MAP4K5: variants seen among roughly 807,000 people sequenced by gnomAD.
MAP4K5 encodes the protein MAPK/ERK kinase kinase kinase 5.
A neutral mutation model predicts 135.6 loss-of-function variants in MAP4K5; 82 were observed. That is an observed-to-expected ratio of 0.60 (90% CI 0.51 to 0.73). The LOEUF is 0.73. MAP4K5 is among the 30% of genes least tolerant of loss of function. MAP4K5 has a pLI of 0.00. For missense variants in MAP4K5, 907 were observed against 1,010.9 expected, an observed-to-expected ratio of 0.90 and a Z score of 1.39; for synonymous variants, 347 against 335.0, an observed-to-expected ratio of 1.04 and a Z score of -0.39.
chr14:50,464,271 C>A, intron 11 of MAP4K5, 138 bp from the exon 12 acceptor site: 1 of 573,296 alleles, frequency 1.7e-6, no homozygotes, highest in Non-Finnish European at 3.1e-6. Flanking sequence ...ACAATATATT[C>A]CGTGGAAACA....
Position 50,552,603 on chromosome 14 carries a change from A to G in MAP4K5, c.-180+8437T>C, listed in dbSNP as rs1391101502. On this transcript the variant is annotated intron_variant, in intron 1 of 8. Transcript: ENST00000555216. ...AAATCTGGAGGCATCACATTACCTG[A>G]CTTCAAATTTTGCTGTGAGGCTATA... is the stretch of plus-strand genomic sequence containing the variant. Among the ~76,000 whole-genome samples the G allele has an allele frequency of 6.6e-5, 10 of 152,352 alleles. No individual in the cohort carries two copies. In the East Asian group the frequency reaches 1.9e-3, roughly 29 times the overall value.
chr14:50,434,492 C>G lies in MAP4K5; in HGVS notation c.2066G>C (p.Cys689Ser), dbSNP rs1452695163. The part of the protein sequence containing the change: ...VIPEQEYPMV[C>S]VAISKGTESN... ...TTCAGTGCCTTTGCTAATAGCTACA[C>G]AGACCATAGGGTATTCCTGTTCAGG... Residue 689 changes from cysteine to serine, a missense_variant, in exon 28 of 33, where the codon TGT (cysteine) becomes TCT (serine). By Grantham distance (112) the Cys-to-Ser change is moderately radical. Around this residue, in one of 3 missense-constraint regions of MAP4K5, gnomAD observed 690 missense variants for 777.4 expected, o/e 0.89. Transcript: ENST00000682126. 1 of 1,607,754 alleles carries G rather than the reference C, an allele frequency of 6.2e-7. No individual in the cohort carries two copies. The highest frequency in any genetic ancestry group is 2.2e-5 in the East Asian group (1 of 44,736).
Position 50,462,699 on chromosome 14 carries a change from G to A in MAP4K5, c.902C>T (p.Ala301Val). The part of the protein sequence containing the change: ...LDKVNNPDNH[A>V]HYTEADDDDF... The stretch of plus-strand genomic sequence containing the variant: ...ATCGTCATCTGCTTCAGTGTAATGT[G>A]CGTGGTTATCTGGATTGTTCACTTT... The change falls in exon 13 of 33, where the codon GCA becomes GTA. Residue 301 changes from alanine (A) to valine (V), a missense_variant. Physicochemically the swap from Ala to Val is moderately conservative, Grantham distance 64. This residue lies in a region of MAP4K5 where 690 missense variants were observed against 777.4 expected (regional missense o/e 0.89). Coordinates refer to ENST00000682126, the MANE Select transcript of MAP4K5 (RefSeq NM_006575.6). 2.5e-6 allele frequency: 4 copies of A among 1,605,924 alleles called. No individual in the cohort carries two copies. Among genetic ancestry groups the A allele is most frequent in the Non-Finnish European group, 3.4e-6 (4 of 1,177,396 alleles).
intron 9 of MAP4K5, chr14:50,472,375 T>C (rs2036985462): frequency 6.6e-6 from 1 of 152,152 alleles, no homozygotes; most frequent in Non-Finnish European, 1.5e-5. Flanking sequence ...TGAGTTATCT[T>C]TGAAAACATG....
intron 12 of MAP4K5, among the ~76,000 whole-genome samples, chr14:50,463,474 C>T (rs896389865): frequency 5.9e-5 from 9 of 152,108 alleles, no homozygotes; most frequent in Non-Finnish European, 1.0e-4. Context: ...TAAAACTATA[C>T]CCACATATAT....
At chr14:50,476,019 A>G in intron 8 of MAP4K5, 109 bp downstream of exon 8, 1 of 576,822 alleles carries the variant, frequency 1.7e-6, no homozygotes, top group Non-Finnish European at 2.9e-6. Context: ...GACTCTTGAT[A>G]TGAAAATGAA....
chr14:50,510,520 T>C (rs1040624509), intron 2 of MAP4K5, among the ~76,000 whole-genome samples: 1 of 152,214 alleles, frequency 6.6e-6, no homozygotes, highest in Non-Finnish European at 1.5e-5. Context: ...ATTTGTTGAA[T>C]AGACAATCAT....
At chr14:50,521,603 T>C (rs760636331) in intron 2 of MAP4K5, among the ~76,000 whole-genome samples, 1 of 152,206 alleles carries the variant, frequency 6.6e-6, no homozygotes, top group Non-Finnish European at 1.5e-5. Flanking sequence ...GAGAGTGTTA[T>C]ACAAACATTA....
At chr14:50,467,400 T>G (rs2036856486) in intron 10 of MAP4K5, among the ~76,000 whole-genome samples, 1 of 152,054 alleles carries the variant, frequency 6.6e-6, no homozygotes, top group Non-Finnish European at 1.5e-5. Flanking sequence ...TATTTAAAAT[T>G]TTCTAATCTC....
chr14:50,549,432 C>T (rs1356122872), intron 1 of MAP4K5, among the ~76,000 whole-genome samples: 1 of 152,168 alleles, frequency 6.6e-6, no homozygotes, highest in Non-Finnish European at 1.5e-5. Context: ...AAGTCACATA[C>T]ATAAACCCAT....
intron 2 of MAP4K5, among the ~76,000 whole-genome samples, chr14:50,531,043 G>A (rs927214320): frequency 4.6e-4 from 70 of 152,148 alleles, no homozygotes; most frequent in Admixed American, 4.6e-3. Flanking sequence ...AAACAACGCC[G>A]TTGCAAAAAG....
At chr14:50,506,867 C>T (rs1372871096) in intron 2 of MAP4K5, among the ~76,000 whole-genome samples, 2 of 152,196 alleles carry the variant, frequency 1.3e-5, no homozygotes, top group African/African-American at 4.8e-5. Context: ...CACACCATTC[C>T]TACCCTCTCC....
intron 12 of MAP4K5, among the ~76,000 whole-genome samples, chr14:50,463,644 G>A (rs1025312028): frequency 6.6e-6 from 1 of 152,084 alleles, no homozygotes; most frequent in African/African-American, 2.4e-5. Flanking sequence ...AGCACTTTGG[G>A]AGGCTGAGGC....
At chr14:50,451,162 C>T (rs964404270) in intron 14 of MAP4K5, among the ~76,000 whole-genome samples, 5 of 151,876 alleles carry the variant, frequency 3.3e-5, no homozygotes, top group African/African-American at 1.2e-4. Context: ...AAATGCTTGC[C>T]TGAAATGAAA....
At chr14:50,487,683 A>G (rs2037395330) in intron 3 of MAP4K5, among the ~76,000 whole-genome samples, 1 of 152,292 alleles carries the variant, frequency 6.6e-6, no homozygotes, top group South Asian at 2.1e-4. Flanking sequence ...ATAATCCAAA[A>G]TAGAAGATGA....
chr14:50,464,073 T>C lies in MAP4K5; in HGVS notation c.798A>G (p.Pro266=). ...IALTKNPKKR[P]TAERLLTHTF... is the part of the protein sequence containing the mutation. ...TTACAGTCAGAAGTCTTTCAGCAGTTGGTCTTTTTTTTGGGTTTTTGGTTA... is the reference window on the plus strand; with the variant it reads ...TTACAGTCAGAAGTCTTTCAGCAGTCGGTCTTTTTTTTGGGTTTTTGGTTA... Residue 266 remains proline (P), a synonymous_variant, in exon 12 of 33, where the codon CCA becomes CCG. Transcript: ENST00000682126. 6.5e-7 allele frequency: 1 copy of C among 1,546,906 alleles called. No individual in the cohort carries two copies. The highest frequency in any genetic ancestry group is 8.8e-7 in the Non-Finnish European group (1 of 1,141,924).
chr14:50,445,938 C>G, intron 17 of MAP4K5, 141 bp downstream of exon 17: 1 of 495,694 alleles, frequency 2.0e-6, no homozygotes, highest in Non-Finnish European at 3.5e-6. Context: ...ATATTTTACA[C>G]CATCATACAC....
intron 1 of MAP4K5, among the ~76,000 whole-genome samples, chr14:50,558,289 G>C (rs535870119): frequency 2.8e-4 from 42 of 152,202 alleles, no homozygotes; most frequent in Non-Finnish European, 4.9e-4. Context: ...AACCTGGGAG[G>C]TGGAGGTTGT....
At chr14:50,488,910 A>T (rs1175796119) in intron 3 of MAP4K5, among the ~76,000 whole-genome samples, 1 of 152,228 alleles carries the variant, frequency 6.6e-6, no homozygotes, top group Non-Finnish European at 1.5e-5. Context: ...CATGGAAGAG[A>T]CTTACATAAA....
Sources: allele counts gnomAD v4.1 joint callset (sites outside exome capture counted in the v4.1 genomes callset), GRCh38; gene constraint gnomAD v4.1.1; regional missense constraint gnomAD v4.1.1; transcripts MANE v1.5; gene names NCBI Gene and HGNC (gene_info 2026-07-23, HGNC 2026-07-21).